ECE1: variants seen among roughly 807,000 people sequenced by gnomAD.
ECE1 encodes the protein endothelin converting enzyme 1, also known as endothelin-converting enzyme 1.
In ECE1, 35 loss-of-function variants were observed where a neutral mutation model predicts 98.6. The ratio of observed to expected loss-of-function variants is 0.35; its 90% CI spans 0.27 to 0.47. The LOEUF (loss-of-function observed/expected upper bound fraction) is 0.47. ECE1 is among the 20% of genes least tolerant of loss of function. The probability of loss-of-function intolerance (pLI) is 1.00; values close to 1 mark genes in which losing one functional copy is unlikely to be tolerated. For missense variants in ECE1, 814 were observed against 1,025.3 expected (o/e 0.79, Z 2.81); for synonymous variants, 394 against 407.1 (o/e 0.97, Z 0.39).
At chr1:21,268,582 C>A (rs1317262853) in intron 4 of ECE1, among the ~76,000 whole-genome samples, 1 of 152,242 alleles carries the variant, frequency 6.6e-6, no homozygotes, top group Non-Finnish European at 1.5e-5. Flanking sequence ...TAATAACTAT[C>A]TTGCCGGATC....
chr1:21,230,966 T>C (rs1004201150), intron 14 of ECE1, among the ~76,000 whole-genome samples: 8 of 151,986 alleles, frequency 5.3e-5, no homozygotes, highest in African/African-American at 1.4e-4. Flanking sequence ...GTAACTGGGA[T>C]TACAGGCATG....
At position 21,218,381 on chromosome 1, in the gene ECE1, GT is replaced by G. The variant is rs1461512352; in HGVS notation, c.*1573del. 1 of 152,408 alleles carries G rather than the reference GT, an allele frequency of 6.6e-6. No homozygotes were observed. Among genetic ancestry groups the G allele is most frequent in the African/African-American group, 2.4e-5 (1 of 41,468 alleles). 9.4% of individuals were successfully genotyped at this position (152,408 alleles called of 1,614,324 possible). A position where few individuals can be genotyped will look rare whatever the true frequency, so the allele number is the denominator to read the frequency against. On this transcript the variant is annotated 3_prime_UTR_variant, in exon 19 of 19. Coordinates refer to ENST00000374893, the MANE Select transcript of ECE1 (RefSeq NM_001397.3). The surrounding 1 kb of genome is among the most constrained non-coding windows in gnomAD (Gnocchi z 4.0). ...CACCGGGGAAATGGGGCTATGGCCT[GT>G]GCTTCAGTCAGGACACCTGGGGGCT...
intron 1 of ECE1, chr1:21,298,354 C>A (rs1026487207): frequency 4.8e-6 from 1 of 208,126 alleles, no homozygotes; most frequent in East Asian, 1.1e-4. Flanking sequence ...CTCGGTGCTC[C>A]GCGGCAGCAT....
rs61781574 is a variant in ECE1 at position 21,327,600 on chromosome 1, C to T, written c.3+17776G>A. 0.072 allele frequency among the ~76,000 whole-genome samples: 10,945 copies of T among 152,250 alleles called. 539 individuals are homozygous for T. Among genetic ancestry groups the T allele is most frequent in the Middle Eastern group, 0.11 (32 of 294 alleles). ...TTTTTGCCTTTTCTTACTTTGAGGG[C>T]ACAAATGGAGTCTTTTGGTATAGAG... On this transcript the variant is annotated intron_variant, in intron 1 of 18. Coordinates refer to the ECE1 transcript ENST00000415912. This position sits in a 1 kb window ranked among gnomAD's most constrained non-coding sequence, Gnocchi z 4.6.
chr1:21,281,192 A>T (rs1055010306), intron 2 of ECE1, among the ~76,000 whole-genome samples: 1 of 126,796 alleles, frequency 7.9e-6, no homozygotes, highest in African/African-American at 3.1e-5. Context: ...TCCGTCTCGG[A>T]AAACAAAACA....
Position 21,238,144 on chromosome 1 carries a change from C to T in ECE1, c.1379G>A (p.Ser460Asn). Residue 460 changes from serine (S) to asparagine (N), a missense_variant, in exon 11 of 19, where the codon AGC (serine) becomes AAC (asparagine). This residue lies in a region of ECE1 where 452 missense variants were observed against 567.3 expected (regional missense o/e 0.80). Transcript: ENST00000374893. Reference protein sequence around the residue: ...MFVKATFAEDSKSIATEIILE... With the variant: ...MFVKATFAEDNKSIATEIILE... ...GGGGAAGGCACTTACTATGCTCTTG[C>T]TGTCCTCGGCGAAGGTTGCTTTGAC... The T allele has an allele frequency of 2.5e-6, 4 of 1,614,192 alleles. No homozygotes were observed. Among genetic ancestry groups the T allele is most frequent in the Non-Finnish European group, 3.4e-6 (4 of 1,179,996 alleles).
chr1:21,331,386 G>C (rs933464986), intron 1 of ECE1, among the ~76,000 whole-genome samples: 4 of 152,052 alleles, frequency 2.6e-5, no homozygotes, highest in African/African-American at 9.7e-5. Flanking sequence ...ACTGGCGACA[G>C]AGTGAGACTC....
At chr1:21,291,969 A>T (rs1558418341), upstream of ECE1, among the ~76,000 whole-genome samples, 1 of 147,108 alleles carries the variant, frequency 6.8e-6, no homozygotes, top group African/African-American at 2.5e-5. Flanking sequence ...ACAAAAAGAA[A>T]ATATATATAT....
At chr1:21,339,382 G>T (rs1391205225) in intron 1 of ECE1, among the ~76,000 whole-genome samples, 1 of 152,156 alleles carries the variant, frequency 6.6e-6, no homozygotes, top group Non-Finnish European at 1.5e-5. Context: ...TCCCAGGAAG[G>T]CCAAGTTTCT....
At chr1:21,262,675 C>A (rs1260891184) in intron 4 of ECE1, among the ~76,000 whole-genome samples, 1 of 152,200 alleles carries the variant, frequency 6.6e-6, no homozygotes, top group Non-Finnish European at 1.5e-5. Context: ...CTAATCACAG[C>A]GAGTTCCGAG....
rs932036759 is a variant in ECE1, at chr1:21,227,187, A to G, written c.1821T>C (p.His607=). Reference sequence around the variant, plus strand: ...GATCATCAAAAGCATGAGTCAGCTCATGGCCCACGACGACACCTATGCCAC... The same window carrying G: ...GATCATCAAAAGCATGAGTCAGCTCGTGGCCCACGACGACACCTATGCCAC... ...NFGGIGVVVG[H]ELTHAFDDQG... Residue 607 remains histidine (H), a synonymous_variant, in exon 16 of 19, where the codon CAT becomes CAC. Transcript: ENST00000374893. 26 of 1,614,166 alleles carry G rather than the reference A, an allele frequency of 1.6e-5. No individual in the cohort carries two copies. Among genetic ancestry groups the G allele is most frequent in the Non-Finnish European group, 2.1e-5 (25 of 1,180,004 alleles).
At chr1:21,263,485 T>C (rs1486462831) in intron 4 of ECE1, among the ~76,000 whole-genome samples, 1 of 151,682 alleles carries the variant, frequency 6.6e-6, no homozygotes, top group Non-Finnish European at 1.5e-5. Flanking sequence ...GCCTCCCGAG[T>C]AGCTGGGACT....
chr1:21,265,770 C>T (rs914281439), intron 4 of ECE1, among the ~76,000 whole-genome samples: 2 of 152,072 alleles, frequency 1.3e-5, no homozygotes, highest in South Asian at 2.1e-4. Flanking sequence ...TTTAAGACAC[C>T]CCTGGCTCAT....
In ECE1 at chr1:21,225,305, C is replaced by T. The variant is rs201622078; in HGVS notation, c.1985G>A (p.Arg662Gln). 1.1e-4 allele frequency: 177 copies of T among 1,614,212 alleles called. 1 individual carries two copies. In the East Asian group the frequency reaches 3.7e-3, roughly 34 times the overall value. Reference protein sequence around the residue: ...YSVNGEPVNGRHTLGENIADN... With the variant: ...YSVNGEPVNGQHTLGENIADN... Reference sequence around the variant, plus strand: ...GGCGATGTTCTCCCCCAGGGTGTGCCGCCCGTTCACCGGCTCCCCGTTCAC... The same window carrying T: ...GGCGATGTTCTCCCCCAGGGTGTGCTGCCCGTTCACCGGCTCCCCGTTCAC... The change falls in exon 17 of 19, where the codon CGG (arginine) becomes CAG (glutamine). Residue 662 changes from arginine to glutamine, a missense_variant. Coordinates refer to ENST00000374893, the MANE Select transcript of ECE1 (RefSeq NM_001397.3). The surrounding 1 kb of genome is among the most constrained non-coding windows in gnomAD (Gnocchi z 5.3).
At chr1:21,252,332 T>C (rs1421624523) in intron 8 of ECE1, among the ~76,000 whole-genome samples, 1 of 152,218 alleles carries the variant, frequency 6.6e-6, no homozygotes, top group East Asian at 1.9e-4. Flanking sequence ...TCCATCTCCA[T>C]GGAGACGGCT....
At chr1:21,342,443 T>C (rs1457073891) in intron 1 of ECE1, among the ~76,000 whole-genome samples, 1 of 152,062 alleles carries the variant, frequency 6.6e-6, no homozygotes, top group Non-Finnish European at 1.5e-5. Context: ...GCCCACGGCT[T>C]GCACTGGGAG....
At chr1:21,289,947 G>C in intron 2 of ECE1, 123 bp downstream of exon 2, 1 of 1,203,242 alleles carries the variant, frequency 8.3e-7, no homozygotes, top group Non-Finnish European at 1.1e-6. Context: ...CCCGGATGCC[G>C]GGACGAGGGA....
At chr1:21,247,429 C>T (rs777532370) in intron 8 of ECE1, 66 bp from the exon 9 acceptor site, 131 of 1,611,634 alleles carry the variant, frequency 8.1e-5, no homozygotes, top group South Asian at 9.9e-5. Context: ...GGCTCTAGGA[C>T]GGGCTTCTAC....
chr1:21,290,578 A>T, upstream of ECE1: 1 of 1,195,974 alleles, frequency 8.4e-7, no homozygotes, highest in Non-Finnish European at 1.0e-6. The surrounding 1 kb of genome is among the most constrained non-coding windows in gnomAD (Gnocchi z 7.3). Context: ...GGCCCGGGGG[A>T]GATGGGGACC....
Sources: allele counts gnomAD v4.1 joint callset (sites outside exome capture counted in the v4.1 genomes callset), GRCh38; gene constraint gnomAD v4.1.1; regional missense constraint gnomAD v4.1.1; non-coding constraint Gnocchi (gnomAD v3.1); transcripts MANE v1.5; gene names NCBI Gene and HGNC (gene_info 2026-07-23, HGNC 2026-07-21).